RRN3: variants seen among roughly 807,000 people sequenced by gnomAD.
The protein encoded by RRN3 is RNA polymerase I transcription factor RRN3.
RRN3 carries 38 observed loss-of-function variants against 82.3 expected under a neutral mutation model. The observed-to-expected ratio is 0.46, with a 90% confidence interval of 0.36 to 0.61. The LOEUF (loss-of-function observed/expected upper bound fraction) is 0.61. Among genes scored for constraint, RRN3 ranks in the 20% least tolerant of loss-of-function variants. The pLI is 0.00. For synonymous variants in RRN3, 284 were observed against 284.3 expected (o/e 1.00, Z 0.01); for missense variants, 726 against 793.1 (o/e 0.92, Z 1.02).
At chr16:15,094,069 C>T (rs2046250934) in intron 1 of RRN3, 76 bp downstream of exon 1, 3 of 1,315,810 alleles carry the variant, frequency 2.3e-6, no homozygotes, top group Non-Finnish European at 3.2e-6. Flanking sequence ...TGTCCCACAT[C>T]CTTTCAATCC....
chr16:15,074,897 A>C, intron 10 of RRN3, 36 bp from the exon 11 acceptor site: 1 of 1,576,552 alleles, frequency 6.3e-7, no homozygotes, highest in Non-Finnish European at 8.6e-7. Flanking sequence ...ACATTAAAAA[A>C]TTCAATGTCA....
rs181509572 is a variant in RRN3, at chr16:15,084,446, T to G, written c.596+196A>C. On this transcript the variant is annotated intron_variant, in intron 7 of 17. Transcript: ENST00000198767. ...TGGGGGAGGATCTGCATACAAACTT[T>G]GAAAAACAATTAAAGAGAATAAATA... Among the ~76,000 whole-genome samples, 179 of 150,574 alleles carry G rather than the reference T, an allele frequency of 1.2e-3. 1 individual carries two copies. Among genetic ancestry groups the G allele is most frequent in the African/African-American group, 4.3e-3 (177 of 41,142 alleles).
chr16:15,071,520 C>T (rs1472240515), intron 12 of RRN3, among the ~76,000 whole-genome samples: 4 of 152,246 alleles, frequency 2.6e-5, no homozygotes, highest in Admixed American at 2.6e-4. Flanking sequence ...GTAATCCCAG[C>T]ACTTTGGGAG....
rs2151761609 is a variant in RRN3 at position 15,065,094 on chromosome 16, A to G, written c.1706+125T>C. On this transcript the variant is annotated intron_variant, in intron 16 of 17. Coordinates refer to ENST00000198767, the MANE Select transcript of RRN3 (RefSeq NM_018427.5). The stretch of plus-strand genomic sequence containing the variant: ...GTCAGGAGAATGGTGTGAACCCGGG[A>G]GGCGGAGCTTGCGGTAAGCCGAGAT... The G allele has an allele frequency of 5.5e-6, 5 of 903,890 alleles. No homozygotes were observed. The East Asian group carries it at 1.0e-4, about 18-fold the overall frequency. The allele number at this position is 903,890 out of a possible 1,614,324, so 56.0% of individuals were successfully genotyped here.
Position 15,068,199 on chromosome 16 carries a change from G to A in RRN3, c.1523C>T (p.Ser508Leu), listed in dbSNP as rs754163798. 12 of 1,596,588 alleles carry A rather than the reference G, an allele frequency of 7.5e-6. No individual in the cohort carries two copies. Among genetic ancestry groups the A allele is most frequent in the Non-Finnish European group, 1.0e-5 (12 of 1,171,662 alleles). ...GATTGCAGCAAAAAAGTTAACCACT[G>A]AGGGCAGGCAAATCTTCAGGGGATT... is the stretch of plus-strand genomic sequence containing the variant. ...QLNPLKICLP[S>L]VVNFFAAITN... is the part of the protein sequence containing the mutation. The change falls in exon 15 of 18, where the codon TCA becomes TTA. Residue 508 changes from serine (S) to leucine (L), a missense_variant. By Grantham distance (145) the Ser-to-Leu change is moderately radical. Coordinates refer to ENST00000198767, the MANE Select transcript of RRN3 (RefSeq NM_018427.5).
At chr16:15,076,192 G>C in intron 10 of RRN3, among the ~76,000 whole-genome samples, 1 of 152,120 alleles carries the variant, frequency 6.6e-6, no homozygotes, top group Non-Finnish European at 1.5e-5. Flanking sequence ...CCCAACTTCA[G>C]ATACCACCCA....
chr16:15,063,023 T>C (rs117310273), intron 17 of RRN3, among the ~76,000 whole-genome samples, 173 bp downstream of exon 17: 1 of 152,328 alleles, frequency 6.6e-6, no homozygotes, highest in East Asian at 1.9e-4. Flanking sequence ...AAAAAAATTT[T>C]TGTAGAAACA....
chr16:15,069,340 G>A (rs1045298327), intron 14 of RRN3, among the ~76,000 whole-genome samples: 3 of 152,148 alleles, frequency 2.0e-5, no homozygotes, highest in Admixed American at 2.0e-4. Context: ...ATCGTGCAGG[G>A]TTCAGAGACC....
At chr16:15,064,795 T>A (rs1338783772) in intron 16 of RRN3, among the ~76,000 whole-genome samples, 1 of 152,178 alleles carries the variant, frequency 6.6e-6, no homozygotes, top group Non-Finnish European at 1.5e-5. Flanking sequence ...GAGATGCTCA[T>A]CAACAGCGAG....
chr16:15,085,767 G>A (rs1200608110), intron 5 of RRN3, 69 bp from the exon 6 acceptor site: 5 of 1,599,064 alleles, frequency 3.1e-6, no homozygotes, highest in East Asian at 2.2e-5. Flanking sequence ...TACAAAAAAA[G>A]TTACTGACCT....
intron 3 of RRN3, among the ~76,000 whole-genome samples, chr16:15,087,070 T>C (rs1363812902): frequency 6.6e-6 from 1 of 152,208 alleles, no homozygotes; most frequent in Non-Finnish European, 1.5e-5. Flanking sequence ...TGAAACGCAA[T>C]GTATAAAATA....
At chr16:15,079,936 A>G in intron 9 of RRN3, 62 bp downstream of exon 9, 2 of 1,469,096 alleles carry the variant, frequency 1.4e-6, no homozygotes, top group Non-Finnish European at 1.8e-6. Context: ...GTTTCCACAT[A>G]CTGTGATTAT....
In RRN3 at chr16:15,061,716, G is replaced by A. The variant is rs755635841; in HGVS notation, c.*28C>T. 3.1e-6 allele frequency: 5 copies of A among 1,595,176 alleles called. No individual in the cohort carries two copies. The highest frequency in any genetic ancestry group is 3.7e-4 in the Middle Eastern group (2 of 5,414). On this transcript the variant is annotated 3_prime_UTR_variant, in exon 18 of 18. Coordinates refer to ENST00000198767, the MANE Select transcript of RRN3 (RefSeq NM_018427.5). ...TGACAAGTGATGGGGAATCCCAAATGTCACATCTCAGTCACAAATTTCTGC... is the reference window on the plus strand; with the variant it reads ...TGACAAGTGATGGGGAATCCCAAATATCACATCTCAGTCACAAATTTCTGC...
intron 15 of RRN3, among the ~76,000 whole-genome samples, chr16:15,067,520 A>G (rs1484211749): frequency 1.4e-5 from 2 of 139,250 alleles, no homozygotes; most frequent in African/African-American, 5.1e-5. Flanking sequence ...CAGACCTGAG[A>G]GAACAGAACT....
intron 8 of RRN3, among the ~76,000 whole-genome samples, chr16:15,080,479 G>C (rs1224110158): frequency 2.6e-5 from 4 of 152,076 alleles, no homozygotes; most frequent in Non-Finnish European, 4.4e-5. Context: ...CTCTCTCTCA[G>C]GATGGCGTAC....
chr16:15,065,116 A>T (rs1289845755), intron 16 of RRN3, 103 bp downstream of exon 16: 3 of 1,206,080 alleles, frequency 2.5e-6, no homozygotes, highest in Non-Finnish European at 3.5e-6. Flanking sequence ...CGGTAAGCCG[A>T]GATCACACCA....
intron 9 of RRN3, among the ~76,000 whole-genome samples, chr16:15,079,300 G>A (rs141171380): frequency 0.014 from 2,103 of 152,178 alleles, 22 homozygotes; most frequent in Non-Finnish European, 0.024. Flanking sequence ...ACCTTAGTGC[G>A]GGCCTCCTTA....
At chr16:15,093,273 G>A (rs2046213645) in intron 1 of RRN3, among the ~76,000 whole-genome samples, 1 of 152,138 alleles carries the variant, frequency 6.6e-6, no homozygotes, top group African/African-American at 2.4e-5. Context: ...CAAAGTGCTG[G>A]GATTACAGGC....
chr16:15,079,444 T>A (rs2045604743), intron 9 of RRN3, among the ~76,000 whole-genome samples: 1 of 152,258 alleles, frequency 6.6e-6, no homozygotes, highest in African/African-American at 2.4e-5. Context: ...GTATGTTTCA[T>A]TCATAGCATT....
Sources: allele counts gnomAD v4.1 joint callset (sites outside exome capture counted in the v4.1 genomes callset), GRCh38; gene constraint gnomAD v4.1.1; transcripts MANE v1.5; gene names NCBI Gene and HGNC (gene_info 2026-07-23, HGNC 2026-07-21).